The following RIC1 variants were observed in gnomAD, a reference collection of about 807,000 sequenced individuals.
The protein encoded by RIC1 is guanine nucleotide exchange factor subunit RIC1.
A neutral mutation model predicts 169.0 loss-of-function variants in RIC1; 88 were observed. The ratio of observed to expected loss-of-function variants is 0.52; its 90% CI spans 0.44 to 0.62. The LOEUF (loss-of-function observed/expected upper bound fraction) is 0.62, where lower values mean the gene tolerates loss of function less well. Ranked by LOEUF, RIC1 falls within the 20% of genes least tolerant of loss-of-function variation. RIC1 has a pLI of 0.00. For synonymous variants in RIC1, 790 were observed against 601.5 expected, an observed-to-expected ratio of 1.31 and a Z score of -4.59; for missense variants, 1,877 against 1,725.5, an observed-to-expected ratio of 1.09 and a Z score of -1.56.
chr9:5,705,466 T>C (rs1369689139), intron 3 of RIC1, among the ~76,000 whole-genome samples: 2 of 152,186 alleles, frequency 1.3e-5, no homozygotes, highest in Admixed American at 6.5e-5. Context: ...TAGAGAAATA[T>C]ATACGATTTC....
intron 3 of RIC1, among the ~76,000 whole-genome samples, chr9:5,701,404 G>C (rs1822211341): frequency 6.6e-6 from 1 of 152,066 alleles, no homozygotes; most frequent in Non-Finnish European, 1.5e-5. Flanking sequence ...TTGAGGTCGG[G>C]AGTTCAAGAC....
chr9:5,681,817 C>G (rs7041440), intron 2 of RIC1, among the ~76,000 whole-genome samples: 1 of 152,282 alleles, frequency 6.6e-6, no homozygotes, highest in South Asian at 2.1e-4. Flanking sequence ...CTTTATGAAT[C>G]TAGGTGCTCC....
At chr9:5,643,776 AATTT>A (rs1404825074) in intron 1 of RIC1, among the ~76,000 whole-genome samples, 1 of 152,234 alleles carries the variant, frequency 6.6e-6, no homozygotes, top group Non-Finnish European at 1.5e-5. Context: ...TTTGTTAGGC[AATTT>A]ATTTAATCAG....
At chr9:5,630,690 C>T (rs1359832230) in intron 1 of RIC1, among the ~76,000 whole-genome samples, 2 of 152,090 alleles carry the variant, frequency 1.3e-5, no homozygotes, top group African/African-American at 4.8e-5. Context: ...CTTATAAAAT[C>T]GTAATACCAA....
At position 5,655,381 on chromosome 9, in the gene RIC1, A is replaced by C. The variant is rs192274615; in HGVS notation, c.145-1202A>C. 3.1e-4 allele frequency among the ~76,000 whole-genome samples: 47 copies of C among 151,754 alleles called. 1 individual carries two copies. Among genetic ancestry groups the C allele is most frequent in the Admixed American group, 3.1e-3 (47 of 15,246 alleles). Reference sequence around the variant, plus strand: ...AGTCTCACAATCTCAGCTCACTGCAACCTCCACCTCTCAGGTTCAAGTGAT... The same window carrying C: ...AGTCTCACAATCTCAGCTCACTGCACCCTCCACCTCTCAGGTTCAAGTGAT... On this transcript the variant is annotated intron_variant, in intron 1 of 25. Transcript: ENST00000414202.
chr9:5,657,752 A>T (rs886161866), intron 2 of RIC1, among the ~76,000 whole-genome samples: 1 of 152,160 alleles, frequency 6.6e-6, no homozygotes, highest in Non-Finnish European at 1.5e-5. Flanking sequence ...GAGTTTGCAG[A>T]TGACTGACCA....
At chr9:5,759,599 A>G (rs10975274) in intron 17 of RIC1, among the ~76,000 whole-genome samples, 58,225 of 152,080 alleles carry the variant, frequency 0.38, 11,477 homozygotes, top group East Asian at 0.59. Flanking sequence ...TGTTGAAACA[A>G]TTAGGGATAT....
chr9:5,720,776 T>C, intron 6 of RIC1, 26 bp downstream of exon 6: 1 of 1,551,184 alleles, frequency 6.4e-7, no homozygotes, highest in Non-Finnish European at 8.7e-7. Flanking sequence ...TTTGAAGGGT[T>C]TTTTGTTATT....
intron 1 of RIC1, among the ~76,000 whole-genome samples, chr9:5,648,538 C>A (rs1466639322): frequency 6.6e-6 from 1 of 152,030 alleles, no homozygotes; most frequent in African/African-American, 2.4e-5. Context: ...GGATAAATAC[C>A]TAACAGTGGG....
intron 1 of RIC1, among the ~76,000 whole-genome samples, chr9:5,652,317 C>T (rs1440640839): frequency 6.6e-6 from 1 of 152,184 alleles, no homozygotes; most frequent in Non-Finnish European, 1.5e-5. Flanking sequence ...GACAATTTAA[C>T]AGTATTAATT....
At chr9:5,700,116 C>T (rs529519744) in intron 3 of RIC1, among the ~76,000 whole-genome samples, 1 of 150,178 alleles carries the variant, frequency 6.7e-6, no homozygotes, top group Non-Finnish European at 1.5e-5. Context: ...ATTGACATTT[C>T]TGTTCTTTCC....
intron 6 of RIC1, among the ~76,000 whole-genome samples, chr9:5,730,541 G>A (rs1824308124): frequency 6.6e-6 from 1 of 152,112 alleles, no homozygotes; most frequent in Admixed American, 6.5e-5. Flanking sequence ...ATATATGGGT[G>A]CATGTTTAAG....
chr9:5,765,974 T>G (rs1826709662), intron 21 of RIC1, among the ~76,000 whole-genome samples, 176 bp downstream of exon 21: 1 of 152,178 alleles, frequency 6.6e-6, no homozygotes, highest in Non-Finnish European at 1.5e-5. Context: ...TCCTCCCAAG[T>G]TCACTTCAGC....
In RIC1 at chr9:5,763,236, C is replaced by G. The variant is rs1247126265; in HGVS notation, c.2209C>G (p.Leu737Val). The G allele has an allele frequency of 2.5e-6, 4 of 1,614,034 alleles. No individual in the cohort carries two copies. The highest frequency in any genetic ancestry group is 3.4e-6 in the Non-Finnish European group (4 of 1,180,028). Residue 737 changes from leucine to valine, a missense_variant, in exon 19 of 26, where the codon CTC becomes GTC. Transcript: ENST00000414202. The surrounding 1 kb of genome is among the most constrained non-coding windows in gnomAD (Gnocchi z 5.2). ...ACAGAAACGTCACCTTCTGGAGGCC[C>G]TCTGGCTGAGCTGTGGTGGTGCAGG... ...NKQKRHLLEA[L>V]WLSCGGAGMK...
chr9:5,640,927 C>T (rs1818207148), intron 1 of RIC1, among the ~76,000 whole-genome samples: 1 of 152,032 alleles, frequency 6.6e-6, no homozygotes, highest in African/African-American at 2.4e-5. Context: ...TATTGTGCCA[C>T]TCTCTCCTGG....
chr9:5,663,529 G>A (rs370329738), intron 2 of RIC1, among the ~76,000 whole-genome samples: 47 of 152,240 alleles, frequency 3.1e-4, no homozygotes, highest in African/African-American at 1.1e-3. Flanking sequence ...TGCATATATG[G>A]AGGATATTTG....
Position 5,765,675 on chromosome 9 carries a change from G to A in RIC1, c.3014G>A (p.Ser1005Asn). 6.2e-7 allele frequency: 1 copy of A among 1,614,192 alleles called. No individual in the cohort carries two copies. Among genetic ancestry groups the A allele is most frequent in the Non-Finnish European group, 8.5e-7 (1 of 1,180,012 alleles). The stretch of plus-strand genomic sequence containing the variant: ...GTGTAATCCTAGGAACCCAGTTCAA[G>A]TGGTGGATTTGAGTTCTTCAGGAAT... ...STPTAQEPSS[S>N]GGFEFFRNRS... The change falls in exon 21 of 26, where the codon AGT (serine) becomes AAT (asparagine). Residue 1005 changes from serine to asparagine, a missense_variant. Coordinates refer to ENST00000414202, the MANE Select transcript of RIC1 (RefSeq NM_020829.4).
intron 8 of RIC1, 93 bp from the exon 9 acceptor site, chr9:5,742,776 T>G: frequency 8.6e-7 from 1 of 1,156,654 alleles, no homozygotes; most frequent in Non-Finnish European, 1.2e-6. Flanking sequence ...CTCATTTAGA[T>G]TTGAAAATAC....
chr9:5,700,773 G>A (rs978864999), intron 3 of RIC1, among the ~76,000 whole-genome samples: 1 of 152,126 alleles, frequency 6.6e-6, no homozygotes, highest in Admixed American at 6.5e-5. Flanking sequence ...CGTTGGAACA[G>A]ATCACTTAAA....
Sources: allele counts gnomAD v4.1 joint callset (sites outside exome capture counted in the v4.1 genomes callset), GRCh38; gene constraint gnomAD v4.1.1; non-coding constraint Gnocchi (gnomAD v3.1); transcripts MANE v1.5; gene names NCBI Gene and HGNC (gene_info 2026-07-23, HGNC 2026-07-21).